ROBO1: variants seen among roughly 807,000 people sequenced by gnomAD.
The protein encoded by ROBO1 is roundabout homolog 1.
In ROBO1, 149 loss-of-function variants were observed where a neutral mutation model predicts 195.9. The observed-to-expected ratio is 0.76, with a 90% CI of 0.67 to 0.87. The LOEUF (loss-of-function observed/expected upper bound fraction) is 0.87, where lower values mean the gene tolerates loss of function less well. ROBO1 is among the 40% of genes least tolerant of loss of function. The pLI is 0.00. For synonymous variants in ROBO1, 816 were observed against 733.2 expected (o/e 1.11, Z -1.82); for missense variants, 1,933 against 2,068.3 (o/e 0.93, Z 1.27).
chr3:79,065,084 T>C (rs1287928874), intron 3 of ROBO1, among the ~76,000 whole-genome samples: 1 of 151,964 alleles, frequency 6.6e-6, no homozygotes, highest in African/African-American at 2.4e-5. Context: ...AAAAGCTGCT[T>C]TTCCCGATGG....
chr3:79,458,955 T>G lies in ROBO1; in HGVS notation c.88+130869A>C, dbSNP rs2039708724. Among the ~76,000 whole-genome samples, 3 of 152,096 alleles carry G rather than the reference T, an allele frequency of 2.0e-5. No homozygotes were observed. In the South Asian group the frequency reaches 6.2e-4, roughly 32 times the overall value. On this transcript the variant is annotated intron_variant, in intron 2 of 30. Coordinates refer to ENST00000464233, the MANE Select transcript of ROBO1 (RefSeq NM_002941.4). Reference sequence around the variant, plus strand: ...ACTATTACTAGGAAAGCAATAAATTTAAACTAAAAAATATTTAAAAACTGA... The same window carrying G: ...ACTATTACTAGGAAAGCAATAAATTGAAACTAAAAAATATTTAAAAACTGA...
At chr3:79,514,633 C>T (rs1940864522) in intron 2 of ROBO1, among the ~76,000 whole-genome samples, 2 of 152,136 alleles carry the variant, frequency 1.3e-5, no homozygotes, top group Non-Finnish European at 2.9e-5. Flanking sequence ...TCAAGTGTTA[C>T]AGTGTATTAA....
At chr3:79,541,825 GTGTGTATA>G (rs1359220624) in intron 2 of ROBO1, among the ~76,000 whole-genome samples, 2 of 101,928 alleles carry the variant, frequency 2.0e-5, no homozygotes, top group Admixed American at 8.8e-5. Context: ...GTGTGTGTGT[GTGTGTATA>G]TATATATATA....
chr3:79,348,765 C>T (rs978487074), intron 2 of ROBO1, among the ~76,000 whole-genome samples: 2 of 152,158 alleles, frequency 1.3e-5, no homozygotes, highest in African/African-American at 4.8e-5. Flanking sequence ...GACACGAATA[C>T]TTTCAAAATT....
At chr3:79,550,195 G>GAAAGAAAGAAAGAAAGAAAAGAAA in intron 2 of ROBO1, among the ~76,000 whole-genome samples, 2 of 100,812 alleles carry the variant, frequency 2.0e-5, no homozygotes, top group South Asian at 3.3e-4. Flanking sequence ...AAGAAAGAAA[G>GAAAGAAAGAAAGAAAGAAAAGAAA]GAAAAGAAAA....
At chr3:78,849,677 A>C (rs990743424) in intron 4 of ROBO1, among the ~76,000 whole-genome samples, 1 of 152,130 alleles carries the variant, frequency 6.6e-6, no homozygotes, top group African/African-American at 2.4e-5. Context: ...CATAAGATGT[A>C]AGAGTAAAGA....
intron 1 of ROBO1, among the ~76,000 whole-genome samples, chr3:79,591,008 T>C (rs1943982559): frequency 6.6e-6 from 1 of 151,734 alleles, no homozygotes; most frequent in South Asian, 2.1e-4. Context: ...ATTTTAATAA[T>C]AGATTATACA....
At chr3:79,147,477 T>C (rs570681791) in intron 2 of ROBO1, among the ~76,000 whole-genome samples, 4 of 152,096 alleles carry the variant, frequency 2.6e-5, no homozygotes, top group Admixed American at 6.6e-5. Flanking sequence ...GGCAATGATA[T>C]TCCTTACACA....
rs1293670787 is a variant in ROBO1 at position 78,635,964 on chromosome 3, C to T, written c.3182G>A (p.Gly1061Glu). The stretch of plus-strand genomic sequence containing the variant: ...CTGCCCTGATGGATTGACAAAACGC[C>T]CATCCTTCAGATTTGGGCTATTGAA... The part of the protein sequence containing the change: ...KTFNSPNLKD[G>E]RFVNPSGQPT... The change falls in exon 23 of 31, where the codon GGG becomes GAG. Residue 1061 changes from glycine (G) to glutamate (E), a missense_variant. This residue lies in a region of ROBO1 where 1,737 missense variants were observed against 1,882.5 expected (regional missense o/e 0.92). Coordinates refer to ENST00000464233, the MANE Select transcript of ROBO1 (RefSeq NM_002941.4). The T allele has an allele frequency of 1.1e-5, 18 of 1,613,856 alleles. No homozygotes were observed. Among genetic ancestry groups the T allele is most frequent in the Non-Finnish European group, 1.5e-5 (18 of 1,179,820 alleles).
intron 1 of ROBO1, among the ~76,000 whole-genome samples, chr3:79,704,714 C>G (rs1052411816): frequency 6.6e-6 from 1 of 151,956 alleles, no homozygotes; most frequent in South Asian, 2.1e-4. Context: ...ATCACTGGGT[C>G]ACTGTGTCAT....
At chr3:78,661,778 T>A (rs1707419955) in intron 15 of ROBO1, among the ~76,000 whole-genome samples, 1 of 152,156 alleles carries the variant, frequency 6.6e-6, no homozygotes, top group South Asian at 2.1e-4. Context: ...CTGAGACAGG[T>A]CAAGTTCACT....
At chr3:79,018,905 G>T (rs1305120880) in intron 3 of ROBO1, 2 of 989,382 alleles carry the variant, frequency 2.0e-6, no homozygotes, top group East Asian at 1.1e-4. Context: ...GGGCCAAAAA[G>T]TGCTTCTCCG....
intron 2 of ROBO1, among the ~76,000 whole-genome samples, chr3:79,138,062 A>C (rs925792451): frequency 6.6e-6 from 1 of 152,120 alleles, no homozygotes; most frequent in Non-Finnish European, 1.5e-5. Flanking sequence ...GTTCCAAAGC[A>C]TAAGGCTTTG....
At chr3:78,918,560 T>G (rs1317579677) in intron 4 of ROBO1, among the ~76,000 whole-genome samples, 2 of 152,142 alleles carry the variant, frequency 1.3e-5, no homozygotes, top group Non-Finnish European at 2.9e-5. Flanking sequence ...TAACTTAGTG[T>G]TTGCTCTGTG....
intron 1 of ROBO1, among the ~76,000 whole-genome samples, chr3:79,701,948 CA>C (rs1318978970): frequency 6.6e-6 from 1 of 151,694 alleles, no homozygotes; most frequent in Non-Finnish European, 1.5e-5. Flanking sequence ...GTAGACTATA[CA>C]AAGCAGATTA....
At chr3:78,972,014 C>G (rs903866336) in intron 3 of ROBO1, among the ~76,000 whole-genome samples, 1 of 152,180 alleles carries the variant, frequency 6.6e-6, no homozygotes, top group Non-Finnish European at 1.5e-5. Context: ...GATCTGCCCA[C>G]CTCGGCCTCC....
rs2034073706 is a variant in ROBO1 at position 79,323,412 on chromosome 3, C to T, written c.89-197873G>A. ...TAACATTTTAATGGTAGTATAATGT[C>T]ATTTTTGAGGTGATATATCTGCACT... On this transcript the variant is annotated intron_variant, in intron 2 of 30. Transcript: ENST00000464233. Among the ~76,000 whole-genome samples, 3 of 152,046 alleles carry T rather than the reference C, an allele frequency of 2.0e-5. 1 individual carries two copies. The highest frequency in any genetic ancestry group is 2.0e-4 in the Admixed American group (3 of 15,256).
chr3:78,711,324 TCTCCTTCCTTCCTTCCTTCCTTC>T (rs1159371190), intron 8 of ROBO1, among the ~76,000 whole-genome samples: 9 of 132,318 alleles, frequency 6.8e-5, no homozygotes, highest in East Asian at 2.6e-4. Context: ...TCTCTCTCTC[TCTCCTTCCTTCCTTCCTTCCTTC>T]CTCCTTCCTT....
intron 3 of ROBO1, among the ~76,000 whole-genome samples, chr3:78,950,369 G>T (rs1025995287): frequency 5.9e-5 from 9 of 151,882 alleles, no homozygotes; most frequent in Non-Finnish European, 1.5e-5. Flanking sequence ...TAGGGACATG[G>T]ATGAAACTGG....
Sources: allele counts gnomAD v4.1 joint callset (sites outside exome capture counted in the v4.1 genomes callset), GRCh38; gene constraint gnomAD v4.1.1; regional missense constraint gnomAD v4.1.1; transcripts MANE v1.5; gene names NCBI Gene and HGNC (gene_info 2026-07-23, HGNC 2026-07-21).